SETBP1: variants seen among roughly 807,000 people sequenced by gnomAD.
SETBP1 encodes SET binding protein 1, also known as SET-binding protein.
A neutral mutation model predicts 101.0 loss-of-function variants in SETBP1; 9 were observed. The observed-to-expected ratio is 0.09, with a 90% confidence interval of 0.05 to 0.16. The LOEUF is 0.16. SETBP1 is among the 10% of genes least tolerant of loss of function. The probability of loss-of-function intolerance (pLI) is 1.00; values close to 1 mark genes in which losing one functional copy is unlikely to be tolerated. For missense variants in SETBP1, 1,858 were observed against 2,033.8 expected (o/e 0.91, Z 1.66); for synonymous variants, 818 against 788.5 (o/e 1.04, Z -0.63).
chr18:44,786,005 T>C (rs1313540198), intron 2 of SETBP1, among the ~76,000 whole-genome samples: 1 of 152,214 alleles, frequency 6.6e-6, no homozygotes, highest in Non-Finnish European at 1.5e-5. Flanking sequence ...TGTTTTTACA[T>C]ATGACCTTCT....
chr18:44,809,290 C>T (rs949585007), intron 2 of SETBP1, among the ~76,000 whole-genome samples: 1 of 152,152 alleles, frequency 6.6e-6, no homozygotes, highest in African/African-American at 2.4e-5. Context: ...CCCAAGCATT[C>T]TCTGTAGTAG....
chr18:45,027,202 G>A (rs958432959), intron 4 of SETBP1, among the ~76,000 whole-genome samples: 4 of 152,074 alleles, frequency 2.6e-5, no homozygotes, highest in Non-Finnish European at 5.9e-5. Context: ...ATTTTCTAAT[G>A]AACAAAAATG....
chr18:44,701,486 G>A lies in SETBP1; in HGVS notation c.140G>A (p.Gly47Glu). The A allele has an allele frequency of 6.2e-7, 1 of 1,613,908 alleles. No homozygotes were observed. Residue 47 changes from glycine to glutamate, a missense_variant, in exon 2 of 6, where the codon GGG becomes GAG. By Grantham distance (98) the Gly-to-Glu change is moderately conservative. Transcript: ENST00000649279. ...PLLSTPGPGK[G>E]IPVGGERMEP... ...CTCTCCACTCCAGGACCTGGGAAGG[G>A]GATCCCGGTGGGCGGAGAGCGCATG...
At chr18:44,948,087 A>C (rs2071250827) in intron 3 of SETBP1, among the ~76,000 whole-genome samples, 1 of 152,250 alleles carries the variant, frequency 6.6e-6, no homozygotes. Context: ...CTATGTCCAC[A>C]GCAGTAATGC....
At chr18:45,028,370 A>G (rs1294426153) in intron 4 of SETBP1, among the ~76,000 whole-genome samples, 1 of 151,958 alleles carries the variant, frequency 6.6e-6, no homozygotes, top group African/African-American at 2.4e-5. Flanking sequence ...ATAGTATTCC[A>G]TGGTGTATAT....
At chr18:44,764,932 C>T (rs920243024) in intron 2 of SETBP1, among the ~76,000 whole-genome samples, 1 of 152,244 alleles carries the variant, frequency 6.6e-6, no homozygotes, top group South Asian at 2.1e-4. Context: ...GTGCCTAGAA[C>T]ATAGTGCCTG....
chr18:44,891,958 T>A (rs983893191), intron 3 of SETBP1, among the ~76,000 whole-genome samples: 1 of 152,142 alleles, frequency 6.6e-6, no homozygotes, highest in African/African-American at 2.4e-5. Context: ...ACAGATATAT[T>A]CATCAAACCC....
chr18:44,790,370 CT>C (rs1241345324), intron 2 of SETBP1, among the ~76,000 whole-genome samples: 1 of 152,190 alleles, frequency 6.6e-6, no homozygotes, highest in African/African-American at 2.4e-5. Flanking sequence ...CACATGGACT[CT>C]CGTTTACAAA....
At chr18:45,042,370 G>A (rs554618855) in intron 5 of SETBP1, among the ~76,000 whole-genome samples, 4 of 152,120 alleles carry the variant, frequency 2.6e-5, no homozygotes, top group East Asian at 1.9e-4. Flanking sequence ...GGCTGGTCTC[G>A]AACTCCTGAC....
intron 5 of SETBP1, among the ~76,000 whole-genome samples, chr18:45,045,460 GC>G (rs1396684150): frequency 1.3e-5 from 2 of 151,104 alleles, no homozygotes; most frequent in African/African-American, 4.9e-5. Context: ...CAGATTCCAA[GC>G]CTTTAATCAG....
intron 2 of SETBP1, among the ~76,000 whole-genome samples, chr18:44,863,523 T>C (rs1175362822): frequency 1.3e-5 from 2 of 152,204 alleles, no homozygotes; most frequent in African/African-American, 2.4e-5. Flanking sequence ...TGAAAGGTTG[T>C]GGTGGGCCTG....
chr18:44,990,061 A>G (rs1156950271), intron 4 of SETBP1, among the ~76,000 whole-genome samples: 1 of 151,954 alleles, frequency 6.6e-6, no homozygotes, highest in Non-Finnish European at 1.5e-5. Flanking sequence ...GTATATAAAG[A>G]AAAATAACTT....
intron 4 of SETBP1, among the ~76,000 whole-genome samples, chr18:45,002,291 ATT>A (rs5824568): frequency 9.5e-5 from 13 of 136,864 alleles, no homozygotes; most frequent in Admixed American, 1.5e-4. Flanking sequence ...GAGAAGAACC[ATT>A]TTTTTTTTTT....
At chr18:44,899,832 T>G (rs2069999188) in intron 3 of SETBP1, among the ~76,000 whole-genome samples, 1 of 152,168 alleles carries the variant, frequency 6.6e-6, no homozygotes, top group Non-Finnish European at 1.5e-5. Flanking sequence ...TATTAAATGC[T>G]TTTTAAGTAT....
intron 2 of SETBP1, among the ~76,000 whole-genome samples, chr18:44,748,271 G>A (rs971835025): frequency 3.9e-5 from 6 of 152,228 alleles, no homozygotes; most frequent in Non-Finnish European, 8.8e-5. Flanking sequence ...AAGAAGGGGT[G>A]CAAATATATT....
chr18:45,002,012 G>A (rs552807049), intron 4 of SETBP1, among the ~76,000 whole-genome samples: 5 of 152,208 alleles, frequency 3.3e-5, no homozygotes, highest in African/African-American at 1.2e-4. Flanking sequence ...TAACCTGCCT[G>A]AAAATACCAC....
At chr18:45,032,786 C>T (rs567045234) in intron 4 of SETBP1, among the ~76,000 whole-genome samples, 1 of 152,244 alleles carries the variant, frequency 6.6e-6, no homozygotes, top group South Asian at 2.1e-4. Flanking sequence ...GCTGCATTCA[C>T]CTGGAATTTG....
intron 2 of SETBP1, among the ~76,000 whole-genome samples, chr18:44,844,042 T>C (rs896501043): frequency 1.1e-4 from 17 of 152,324 alleles, no homozygotes; most frequent in African/African-American, 4.1e-4. Flanking sequence ...TTCACTCCTG[T>C]CATTTTTTTT....
At chr18:44,990,762 T>C (rs2072351324) in intron 4 of SETBP1, among the ~76,000 whole-genome samples, 1 of 151,128 alleles carries the variant, frequency 6.6e-6, no homozygotes, top group Admixed American at 6.6e-5. Context: ...ATAATGTAAA[T>C]AGGAGTAATC....
Sources: gnomAD v4.1 joint callset for allele counts (sites outside exome capture counted in the v4.1 genomes callset) on GRCh38, gnomAD v4.1.1 for gene constraint, MANE v1.5 for transcripts, NCBI Gene and HGNC (gene_info 2026-07-23, HGNC 2026-07-21) for gene names.